Variants in WDR62 observed in about 807,000 individuals in gnomAD.
The protein encoded by WDR62 is WD repeat-containing protein 62.
In WDR62, 112 loss-of-function variants were observed where a neutral mutation model predicts 160.6. The observed-to-expected ratio is 0.70, with a 90% CI of 0.60 to 0.82. WDR62 has a LOEUF of 0.82. Ranked by LOEUF, WDR62 falls within the 40% of genes least tolerant of loss-of-function variation. The pLI is 0.00. For synonymous variants in WDR62, 792 were observed against 815.1 expected (o/e 0.97, Z 0.48); for missense variants, 1,819 against 1,983.8 (o/e 0.92, Z 1.58).
intron 18 of WDR62, 145 bp from the exon 19 acceptor site, chr19:36,092,544 C>A: frequency 8.6e-7 from 1 of 1,156,840 alleles, no homozygotes; most frequent in Non-Finnish European, 1.3e-6. Flanking sequence ...AGCACCCCTG[C>A]ACTAAGCGGA....
At chr19:36,097,307 C>G (rs1973032212) in intron 21 of WDR62, among the ~76,000 whole-genome samples, 1 of 152,238 alleles carries the variant, frequency 6.6e-6, no homozygotes, top group South Asian at 2.1e-4. Context: ...AAAGTCTCTC[C>G]CTTCACAGGC....
Position 36,103,390 on chromosome 19 carries a change from C to T in WDR62, c.3562C>T (p.Leu1188=). Residue 1188 remains leucine (L), a synonymous_variant, in exon 30 of 32, where the codon CTG becomes TTG. Coordinates refer to ENST00000401500, the MANE Select transcript of WDR62 (RefSeq NM_001083961.2). The part of the protein sequence containing the change: ...LASCVPASSV[L]PTDRNLPTPT... ...GTCCTGTGTCCCTGCTTCCTCCGTG[C>T]TGCCCACAGACAGGAATCTCCCAAC... The T allele has an allele frequency of 6.2e-7, 1 of 1,614,148 alleles. No individual in the cohort carries two copies. The highest frequency in any genetic ancestry group is 1.6e-4 in the Middle Eastern group (1 of 6,062).
chr19:36,085,736 C>A (rs969973729), intron 12 of WDR62, among the ~76,000 whole-genome samples: 8 of 152,090 alleles, frequency 5.3e-5, no homozygotes, highest in Middle Eastern at 3.2e-3. Flanking sequence ...TCTGGGCCAT[C>A]AGATGAGATC....
chr19:36,099,652 C>A, intron 22 of WDR62, 35 bp downstream of exon 22: 2 of 1,607,814 alleles, frequency 1.2e-6, no homozygotes, highest in South Asian at 2.2e-5. Context: ...CCCATAGCCC[C>A]GGCACCGTGA....
intron 2 of WDR62, 129 bp from the exon 3 acceptor site, chr19:36,059,839 G>T (rs1416374277): frequency 2.2e-6 from 2 of 908,766 alleles, no homozygotes; most frequent in South Asian, 1.3e-5. Flanking sequence ...CCTGGAGGAG[G>T]GGGAGGAGGA....
chr19:36,068,081 C>G (rs1971041883), intron 7 of WDR62, 71 bp downstream of exon 7: 24 of 1,526,334 alleles, frequency 1.6e-5, no homozygotes, highest in Non-Finnish European at 5.4e-6. Context: ...GGGTGCTCAT[C>G]AGCATTGACC....
intron 21 of WDR62, among the ~76,000 whole-genome samples, chr19:36,099,154 G>GGAGGTT (rs1973158857): frequency 6.7e-6 from 1 of 149,904 alleles, no homozygotes; most frequent in South Asian, 2.1e-4. Context: ...ACTGAGAGGT[G>GGAGGTT]GAGGTTGCAG....
intron 8 of WDR62, among the ~76,000 whole-genome samples, 164 bp from the exon 9 acceptor site, chr19:36,073,178 G>A (rs929143172): frequency 2.0e-5 from 3 of 152,254 alleles, no homozygotes; most frequent in African/African-American, 7.2e-5. Flanking sequence ...AAGCAAAGCA[G>A]AGGAAGAGGG....
chr19:36,063,511 A>T (rs1016642709), intron 3 of WDR62, among the ~76,000 whole-genome samples: 1 of 152,238 alleles, frequency 6.6e-6, no homozygotes, highest in South Asian at 2.1e-4. Context: ...TCGGCCTCCC[A>T]AAGTGCTGGG....
intron 10 of WDR62, 179 bp downstream of exon 10, chr19:36,081,749 C>A: frequency 3.8e-6 from 3 of 795,586 alleles, no homozygotes; most frequent in Non-Finnish European, 6.4e-6. Flanking sequence ...TTCTCCTGCC[C>A]CCTCTCTGAG....
At chr19:36,086,610 T>C in intron 12 of WDR62, 77 bp from the exon 13 acceptor site, 1 of 1,526,132 alleles carries the variant, frequency 6.6e-7, no homozygotes, top group South Asian at 1.2e-5. Flanking sequence ...ACTGGGCAGC[T>C]TGGTCACACT....
At position 36,071,675 on chromosome 19, in the gene WDR62, A is replaced by G; in HGVS notation, c.1002A>G (p.Pro334=). Residue 334 remains proline (P), a synonymous_variant, in exon 8 of 32, where the codon CCA becomes CCG. Coordinates refer to ENST00000401500, the MANE Select transcript of WDR62 (RefSeq NM_001083961.2). The part of the protein sequence containing the change: ...SLHYLANLPK[P]HYLGVDVAQG... ...ACTACCTCGCCAACCTGCCCAAGCC[A>G]CACTACCTTGGGGTAGACGTGGCAC... 6.2e-7 allele frequency: 1 copy of G among 1,614,198 alleles called. No individual in the cohort carries two copies. Among genetic ancestry groups the G allele is most frequent in the East Asian group, 2.2e-5 (1 of 44,886 alleles).
intron 10 of WDR62, chr19:36,081,978 A>T: frequency 2.6e-6 from 1 of 384,062 alleles, no homozygotes; most frequent in South Asian, 1.9e-5. Context: ...GGCGAGAGCC[A>T]TGATGGGAGG....
At chr19:36,083,013 G>C in intron 10 of WDR62, 50 bp from the exon 11 acceptor site, 1 of 1,560,744 alleles carries the variant, frequency 6.4e-7, no homozygotes, top group Non-Finnish European at 8.8e-7. Context: ...CACGATTTCA[G>C]AGGTGCTTCT....
At chr19:36,089,001 C>T in intron 13 of WDR62, 37 bp from the exon 14 acceptor site, 1 of 1,611,968 alleles carries the variant, frequency 6.2e-7, no homozygotes, top group East Asian at 2.2e-5. Flanking sequence ...CCCATGTGGC[C>T]CAGCCCTGCC....
At chr19:36,059,904 A>C in intron 2 of WDR62, 64 bp from the exon 3 acceptor site, 1 of 1,557,474 alleles carries the variant, frequency 6.4e-7, no homozygotes, top group South Asian at 1.1e-5. Context: ...TCTGGTGGGA[A>C]TAGAATCATC....
At chr19:36,111,024 C>CA in the WDR62 span, 1 of 606,844 alleles carries the variant, frequency 1.6e-6, no homozygotes, top group Non-Finnish European at 2.8e-6. Context: ...GGCAGGTCCC[C>CA]AGGCAGGGGT....
chr19:36,078,411 G>A (rs1432265084), intron 9 of WDR62, among the ~76,000 whole-genome samples: 1 of 151,770 alleles, frequency 6.6e-6, no homozygotes. Flanking sequence ...GCCTCCCAAA[G>A]TGCAGGGATT....
chr19:36,104,214 C>T (rs1316726312), intron 30 of WDR62, among the ~76,000 whole-genome samples: 1 of 152,228 alleles, frequency 6.6e-6, no homozygotes, highest in Admixed American at 6.5e-5. Context: ...GGACAATGCC[C>T]AGACTAAACC....
Sources: allele counts gnomAD v4.1 joint callset (sites outside exome capture counted in the v4.1 genomes callset), GRCh38; gene constraint gnomAD v4.1.1; transcripts MANE v1.5; gene names NCBI Gene and HGNC (gene_info 2026-07-23, HGNC 2026-07-21).